The following NALF1 variants were observed in gnomAD, a reference collection of about 807,000 sequenced individuals.
NALF1 encodes family with sequence similarity 155 member A.
Under a neutral mutation model 48.4 loss-of-function variants are expected in NALF1, and 3 were observed. That is an observed-to-expected ratio of 0.06 (90% CI 0.03 to 0.16). NALF1 has a LOEUF of 0.16. Ranked by LOEUF, NALF1 falls within the 10% of genes least tolerant of loss-of-function variation. The pLI is 1.00. For synonymous variants in NALF1, 262 were observed against 245.7 expected (o/e 1.07, Z -0.62); for missense variants, 526 against 571.5 (o/e 0.92, Z 0.81).
intron 1 of NALF1, among the ~76,000 whole-genome samples, chr13:107,433,141 C>T (rs1039749530): frequency 1.3e-5 from 2 of 152,134 alleles, no homozygotes; most frequent in African/African-American, 4.8e-5. Flanking sequence ...GGCATCTTAT[C>T]AAAAACAGCC....
intron 2 of NALF1, among the ~76,000 whole-genome samples, chr13:107,191,833 A>ATTTTTTTTTTTTTTTTTT (rs66566638): frequency 8.9e-6 from 1 of 112,224 alleles, no homozygotes; most frequent in Non-Finnish European, 1.7e-5. Flanking sequence ...CACTATGCCT[A>ATTTTTTTTTTTTTTTTTT]TTTTTTTTTT....
chr13:107,611,816 G>A (rs1486845521), intron 1 of NALF1, among the ~76,000 whole-genome samples: 1 of 151,490 alleles, frequency 6.6e-6, no homozygotes, highest in East Asian at 2.0e-4. Flanking sequence ...TCAGTTACTT[G>A]GGAGGCTGGG....
At chr13:107,284,510 A>T (rs1365147993) in intron 1 of NALF1, among the ~76,000 whole-genome samples, 5 of 152,200 alleles carry the variant, frequency 3.3e-5, no homozygotes, top group Non-Finnish European at 7.3e-5. Context: ...GTGTGAAAAA[A>T]ACTAAAATAT....
chr13:107,660,754 C>A (rs1880716487), intron 1 of NALF1, among the ~76,000 whole-genome samples: 1 of 151,838 alleles, frequency 6.6e-6, no homozygotes, highest in Non-Finnish European at 1.5e-5. Flanking sequence ...CAAGAGTAAG[C>A]CCTAATGTAA....
intron 1 of NALF1, among the ~76,000 whole-genome samples, chr13:107,465,159 G>A (rs2139046455): frequency 6.6e-6 from 1 of 151,996 alleles, no homozygotes; most frequent in South Asian, 2.1e-4. Flanking sequence ...TTAACATTAT[G>A]TGAAACTTTG....
intron 1 of NALF1, among the ~76,000 whole-genome samples, chr13:107,280,265 C>A (rs918540875): frequency 6.6e-6 from 1 of 152,136 alleles, no homozygotes; most frequent in Non-Finnish European, 1.5e-5. Flanking sequence ...TTTCTTTCCA[C>A]GAAAATAATT....
At chr13:107,677,379 T>C (rs1881159361) in intron 1 of NALF1, among the ~76,000 whole-genome samples, 1 of 152,188 alleles carries the variant, frequency 6.6e-6, no homozygotes, top group Non-Finnish European at 1.5e-5. Context: ...TAAATGTGTA[T>C]AAACACAATT....
At chr13:107,373,318 A>AG (rs1300480483) in intron 1 of NALF1, among the ~76,000 whole-genome samples, 1 of 152,208 alleles carries the variant, frequency 6.6e-6, no homozygotes, top group Non-Finnish European at 1.5e-5. Context: ...TGGAGATCGA[A>AG]GATTTTGAAT....
chr13:107,818,460 G>C (rs1479293251), intron 1 of NALF1, among the ~76,000 whole-genome samples: 1 of 152,176 alleles, frequency 6.6e-6, no homozygotes, highest in Non-Finnish European at 1.5e-5. Context: ...GTTTGTGGAG[G>C]TTGAGTCCCA....
At chr13:107,756,657 T>A (rs2138557433) in intron 1 of NALF1, among the ~76,000 whole-genome samples, 1 of 152,210 alleles carries the variant, frequency 6.6e-6, no homozygotes, top group Non-Finnish European at 1.5e-5. Flanking sequence ...AAATGATCGC[T>A]TATGGCCCCC....
chr13:107,436,617 C>T (rs1417425501), intron 1 of NALF1, among the ~76,000 whole-genome samples: 1 of 152,096 alleles, frequency 6.6e-6, no homozygotes, highest in African/African-American at 2.4e-5. Context: ...TAACAACTGG[C>T]ATCATATAGT....
At chr13:107,229,265 A>C (rs952091509) in intron 1 of NALF1, among the ~76,000 whole-genome samples, 1 of 152,120 alleles carries the variant, frequency 6.6e-6, no homozygotes, top group Admixed American at 6.5e-5. Context: ...TATGAGAAAT[A>C]CATGTTCATC....
chr13:107,847,753 G>A (rs1025187822), intron 1 of NALF1, among the ~76,000 whole-genome samples: 4 of 152,138 alleles, frequency 2.6e-5, no homozygotes, highest in Non-Finnish European at 5.9e-5. Flanking sequence ...CCCCAACCCT[G>A]GCTGACACCT....
Position 107,165,163 on chromosome 13 carries a change from C to A in NALF1, c.*5334G>T, listed in dbSNP as rs563962885. 1 of 152,228 alleles carries A rather than the reference C, an allele frequency of 6.6e-6. No individual in the cohort carries two copies. The highest frequency in any genetic ancestry group is 1.5e-5 in the Non-Finnish European group (1 of 68,016). The allele number at this position is 152,228 out of a possible 1,614,324, so 9.4% of individuals were successfully genotyped here. A position where few individuals can be genotyped will look rare whatever the true frequency, so the allele number is the denominator to read the frequency against. On this transcript the variant is annotated 3_prime_UTR_variant, in exon 3 of 3. Transcript: ENST00000375915. The stretch of plus-strand genomic sequence containing the variant: ...TATTTTATTAAAATATTCCCATAGA[C>A]CCTCTTCTCCTTTACCTCCAAAATA...
chr13:107,675,990 C>A (rs1446275174), intron 1 of NALF1, among the ~76,000 whole-genome samples: 1 of 152,128 alleles, frequency 6.6e-6, no homozygotes, highest in African/African-American at 2.4e-5. Context: ...AAGCAGAATT[C>A]CAAGGCTTGT....
rs1192122325 is a variant in NALF1 at position 107,610,620 on chromosome 13, A to G, written c.915+255062T>C. 3.3e-5 allele frequency among the ~76,000 whole-genome samples: 5 copies of G among 152,220 alleles called. No individual in the cohort carries two copies. In the South Asian group the frequency reaches 1.0e-3, roughly 32 times the overall value. ...AATACCAGCCTCTGGATTCTCAATC[A>G]TGGTTTAAGAGAATTTGAACATTAT... is the stretch of plus-strand genomic sequence containing the variant. On this transcript the variant is annotated intron_variant, in intron 1 of 2. Coordinates refer to ENST00000375915, the MANE Select transcript of NALF1 (RefSeq NM_001080396.3).
chr13:107,569,216 TC>T (rs1416324677), intron 1 of NALF1, among the ~76,000 whole-genome samples: 1 of 152,106 alleles, frequency 6.6e-6, no homozygotes, highest in Non-Finnish European at 1.5e-5. Context: ...ACGCCTGAAA[TC>T]CCAGCACTTT....
At chr13:107,678,478 C>T (rs904445239) in intron 1 of NALF1, among the ~76,000 whole-genome samples, 1 of 152,202 alleles carries the variant, frequency 6.6e-6, no homozygotes, top group Non-Finnish European at 1.5e-5. Flanking sequence ...AGAGCTGTGT[C>T]CTACACCGTC....
intron 1 of NALF1, among the ~76,000 whole-genome samples, chr13:107,605,404 C>A (rs954728010): frequency 3.9e-5 from 6 of 152,260 alleles, no homozygotes; most frequent in Non-Finnish European, 8.8e-5. Flanking sequence ...CTCCTTCCTT[C>A]CGGTTAACTA....
Sources: allele counts gnomAD v4.1 joint callset (sites outside exome capture counted in the v4.1 genomes callset), GRCh38; gene constraint gnomAD v4.1.1; transcripts MANE v1.5; gene names NCBI Gene and HGNC (gene_info 2026-07-23, HGNC 2026-07-21).